The following MATN2 variants were observed in gnomAD, a reference collection of about 807,000 sequenced individuals.
MATN2 encodes the protein matrilin-2.
A neutral mutation model predicts 103.2 loss-of-function variants in MATN2; 69 were observed. The ratio of observed to expected loss-of-function variants is 0.67; its 90% CI spans 0.55 to 0.82. The LOEUF is 0.82. Among genes scored for constraint, MATN2 ranks in the 40% least tolerant of loss-of-function variants. The pLI, the probability that MATN2 is intolerant of heterozygous loss-of-function variation, is 0.00. For missense variants in MATN2, 1,023 were observed against 1,211.5 expected (o/e 0.84, Z 2.31); for synonymous variants, 429 against 450.2 (o/e 0.95, Z 0.60).
At chr8:97,914,429 G>A (rs1809552650) in intron 2 of MATN2, among the ~76,000 whole-genome samples, 1 of 129,842 alleles carries the variant, frequency 7.7e-6, no homozygotes, top group Non-Finnish European at 1.5e-5. Flanking sequence ...GGAGAGCAGT[G>A]GCACAATAAT....
rs1264164241 is a variant in MATN2 at position 98,036,653 on chromosome 8, C to T, written c.*941C>T. On this transcript the variant is annotated 3_prime_UTR_variant, in exon 19 of 19. Coordinates refer to ENST00000254898, the MANE Select transcript of MATN2 (RefSeq NM_002380.5). ...TGATAAACTCTGGTGTAATCCATAC[C>T]ACAGAAATACAACACCGCATGTACA... The T allele has an allele frequency of 6.6e-6, 1 of 152,076 alleles. No individual in the cohort carries two copies. The highest frequency in any genetic ancestry group is 1.5e-5 in the Non-Finnish European group (1 of 68,010). The allele number at this position is 152,076 out of a possible 1,614,324, so 9.4% of individuals were successfully genotyped here.
In MATN2 at chr8:97,941,778, G is replaced by C; in HGVS notation, c.714G>C (p.Thr238=). 1 of 1,589,264 alleles carries C rather than the reference G, an allele frequency of 6.3e-7. No individual in the cohort carries two copies. Among genetic ancestry groups the C allele is most frequent in the Non-Finnish European group, 8.6e-7 (1 of 1,167,642 alleles). ...LTSVFQKKLC[T]AHMCSTLEHN... ...ACCTTCCTGTGTCTTCCCTTTCAGC[G>C]GCCCATATGTGCAGCACCCTGGAGC... is the stretch of plus-strand genomic sequence containing the variant. Residue 238 remains threonine (T), a splice_region_variant and synonymous_variant, in exon 4 of 19, where the codon ACG becomes ACC. Coordinates refer to ENST00000254898, the MANE Select transcript of MATN2 (RefSeq NM_002380.5).
At chr8:97,941,176 A>G (rs1189723552) in intron 3 of MATN2, among the ~76,000 whole-genome samples, 2 of 148,120 alleles carry the variant, frequency 1.4e-5, no homozygotes, top group East Asian at 3.9e-4. Flanking sequence ...AAAAAAAAAA[A>G]AAAAAAAAAG....
chr8:98,035,935 C>T lies in MATN2; in HGVS notation c.*223C>T. 2.5e-6 allele frequency: 1 copy of T among 395,044 alleles called. No individual in the cohort carries two copies. Among genetic ancestry groups the T allele is most frequent in the East Asian group, 3.8e-5 (1 of 26,588 alleles). 24.5% of individuals were successfully genotyped at this position (395,044 alleles called of 1,614,324 possible). A position where few individuals can be genotyped will look rare whatever the true frequency, so the allele number is the denominator to read the frequency against. ...CTTCAGAATTCTAAGATGAATTTACCAGGTGAGAATGAATAAGCTATGCAA... is the reference window on the plus strand; with the variant it reads ...CTTCAGAATTCTAAGATGAATTTACTAGGTGAGAATGAATAAGCTATGCAA... On this transcript the variant is annotated 3_prime_UTR_variant, in exon 19 of 19. Transcript: ENST00000254898.
chr8:98,028,103 G>C (rs931586815), intron 14 of MATN2, among the ~76,000 whole-genome samples: 3 of 152,192 alleles, frequency 2.0e-5, no homozygotes, highest in African/African-American at 7.2e-5. Flanking sequence ...TTACTAGCCA[G>C]TGTGTGATCT....
intron 4 of MATN2, among the ~76,000 whole-genome samples, chr8:97,960,599 A>G (rs1264707174): frequency 2.0e-5 from 3 of 152,066 alleles, no homozygotes; most frequent in Non-Finnish European, 2.9e-5. Flanking sequence ...ACATGTATCT[A>G]TTTCTCCCTG....
chr8:97,945,717 A>AAAATAT (rs59472539), intron 4 of MATN2, among the ~76,000 whole-genome samples: 8,841 of 121,518 alleles, frequency 0.073, 411 homozygotes, highest in Non-Finnish European at 0.086. Flanking sequence ...AAAAAAAAAA[A>AAAATAT]ATATATATAT....
chr8:97,924,435 T>A (rs1050653501), intron 2 of MATN2, among the ~76,000 whole-genome samples: 2 of 152,208 alleles, frequency 1.3e-5, no homozygotes, highest in African/African-American at 2.4e-5. Flanking sequence ...TCGTGGGAAC[T>A]TTGCTGGGAA....
At chr8:97,960,264 G>A in intron 4 of MATN2, among the ~76,000 whole-genome samples, 1 of 152,172 alleles carries the variant, frequency 6.6e-6, no homozygotes, top group East Asian at 1.9e-4. Flanking sequence ...GCCAGTGATA[G>A]CTTTTAACCA....
chr8:97,980,338 G>A (rs1038846064), intron 6 of MATN2, among the ~76,000 whole-genome samples: 7 of 125,806 alleles, frequency 5.6e-5, no homozygotes, highest in African/African-American at 1.8e-4. Context: ...TAAAATAGCA[G>A]CCTGTGCTGT....
chr8:97,918,738 G>T (rs917915868), intron 2 of MATN2, among the ~76,000 whole-genome samples: 3 of 152,188 alleles, frequency 2.0e-5, no homozygotes, highest in Non-Finnish European at 4.4e-5. Flanking sequence ...GTGATGGGGA[G>T]GGTAACAGGG....
At chr8:97,910,148 G>A (rs1819320666) in intron 2 of MATN2, among the ~76,000 whole-genome samples, 4 of 150,608 alleles carry the variant, frequency 2.7e-5, no homozygotes, top group African/African-American at 4.9e-5. Context: ...TGCAACCTCC[G>A]CCTCCCAGGT....
At position 97,970,943 on chromosome 8, in the gene MATN2, GAATAA is replaced by G. The variant is rs533927908; in HGVS notation, c.959-7931_959-7927del. ...GGTGACAGAGTGAGACCCTGCCTCA[GAATAA>G]AATAAAATAAATAAAATAAAAATTA... On this transcript the variant is annotated intron_variant, in intron 5 of 18. Transcript: ENST00000254898. 5.1e-3 allele frequency among the ~76,000 whole-genome samples: 773 copies of G among 152,014 alleles called. 11 individuals are homozygous for G. Among genetic ancestry groups the G allele is most frequent in the African/African-American group, 0.017 (703 of 41,468 alleles).
intron 7 of MATN2, among the ~76,000 whole-genome samples, chr8:97,995,447 A>AT (rs1003691418): frequency 1.3e-5 from 2 of 151,742 alleles, no homozygotes; most frequent in African/African-American, 4.8e-5. Context: ...CAAGTTGTGA[A>AT]TTTTTTTTCA....
At chr8:98,032,432 G>T in intron 16 of MATN2, 115 bp downstream of exon 16, 2 of 753,666 alleles carry the variant, frequency 2.7e-6, no homozygotes, top group South Asian at 1.8e-5. Flanking sequence ...GATAATGAAG[G>T]CCTTTTTTCC....
chr8:98,026,089 G>C lies in MATN2; in HGVS notation c.1943-1327G>C, dbSNP rs188572485. Among the ~76,000 whole-genome samples the C allele has an allele frequency of 1.6e-3, 227 of 145,296 alleles. 5 individuals carry two copies. In the East Asian group the frequency reaches 0.041, roughly 26 times the overall value. The stretch of plus-strand genomic sequence containing the variant: ...GGCTACTTGGGAGGTTGAGGCAGGA[G>C]AATCACTTGAACCCAGGAAGTGGAG... On this transcript the variant is annotated intron_variant, in intron 13 of 18. Coordinates refer to ENST00000254898, the MANE Select transcript of MATN2 (RefSeq NM_002380.5).
At chr8:98,029,789 TTG>T (rs1283945388) in intron 14 of MATN2, among the ~76,000 whole-genome samples, 5 of 152,328 alleles carry the variant, frequency 3.3e-5, no homozygotes, top group Non-Finnish European at 7.4e-5. Flanking sequence ...CATATTCTTA[TTG>T]TGTTTTACTT....
intron 10 of MATN2, among the ~76,000 whole-genome samples, chr8:98,009,732 T>TG (rs946499735): frequency 4.6e-5 from 7 of 151,918 alleles, no homozygotes; most frequent in African/African-American, 1.5e-4. Context: ...ACTCAGGGTG[T>TG]GGGGGGTCGG....
intron 13 of MATN2, among the ~76,000 whole-genome samples, chr8:98,022,839 G>C (rs1813652346): frequency 6.6e-6 from 1 of 152,172 alleles, no homozygotes; most frequent in Non-Finnish European, 1.5e-5. Context: ...TGTAATCCCA[G>C]CACTTTGGGA....
Sources: allele counts gnomAD v4.1 joint callset (sites outside exome capture counted in the v4.1 genomes callset), GRCh38; gene constraint gnomAD v4.1.1; transcripts MANE v1.5; gene names NCBI Gene and HGNC (gene_info 2026-07-23, HGNC 2026-07-21).